The following DOCK1 variants were observed in gnomAD, a reference collection of about 807,000 sequenced individuals.
DOCK1 encodes dedicator of cytokinesis protein 1.
Under a neutral mutation model 262.7 loss-of-function variants are expected in DOCK1, and 138 were observed. That is an observed-to-expected ratio of 0.53 (90% CI 0.46 to 0.61). DOCK1 has a LOEUF of 0.61. Among genes scored for constraint, DOCK1 ranks in the 20% least tolerant of loss-of-function variants. The pLI, the probability that DOCK1 is intolerant of heterozygous loss-of-function variation, is 0.00. For missense variants in DOCK1, 1,908 were observed against 2,370.7 expected (o/e 0.80, Z 4.05); for synonymous variants, 866 against 867.4 (o/e 1.00, Z 0.03).
At chr10:127,422,854 T>C (rs2068597358) in intron 46 of DOCK1, among the ~76,000 whole-genome samples, 1 of 152,216 alleles carries the variant, frequency 6.6e-6, no homozygotes, top group East Asian at 1.9e-4. Context: ...AAAAGTTCTA[T>C]TGATTTTTTT....
chr10:127,365,518 T>A (rs1453962270), intron 33 of DOCK1, among the ~76,000 whole-genome samples: 1 of 152,214 alleles, frequency 6.6e-6, no homozygotes, highest in African/African-American at 2.4e-5. Flanking sequence ...AAGGACTTTG[T>A]GAAAAATTGC....
chr10:127,117,210 T>G (rs928725065), intron 25 of DOCK1, among the ~76,000 whole-genome samples: 6 of 152,214 alleles, frequency 3.9e-5, no homozygotes, highest in Non-Finnish European at 8.8e-5. Context: ...GCGAGTTTGC[T>G]TCCTTTGAGA....
At chr10:127,290,478 T>C (rs568939445) in intron 29 of DOCK1, among the ~76,000 whole-genome samples, 1 of 152,332 alleles carries the variant, frequency 6.6e-6, no homozygotes, top group Admixed American at 6.5e-5. Flanking sequence ...AAAGAGATCC[T>C]GTAGCGCCTT....
chr10:127,411,862 T>G (rs1239454484), intron 43 of DOCK1, among the ~76,000 whole-genome samples: 2 of 152,178 alleles, frequency 1.3e-5, no homozygotes, highest in Non-Finnish European at 2.9e-5. Flanking sequence ...TTCCAGACAT[T>G]GCAAAATAAA....
chr10:126,951,151 G>C (rs1021636861), intron 1 of DOCK1, among the ~76,000 whole-genome samples: 33 of 151,988 alleles, frequency 2.2e-4, no homozygotes, highest in Admixed American at 5.9e-4. Flanking sequence ...GGTTGTTGGT[G>C]GTAGTATTAC....
intron 1 of DOCK1, among the ~76,000 whole-genome samples, chr10:126,960,794 AC>A: frequency 2.9e-5 from 1 of 34,366 alleles, no homozygotes; most frequent in Non-Finnish European, 4.7e-5. Flanking sequence ...GTGTATATAC[AC>A]ACACACACAC....
intron 24 of DOCK1, among the ~76,000 whole-genome samples, chr10:127,109,091 G>T (rs566006501): frequency 9.2e-5 from 14 of 152,294 alleles, no homozygotes; most frequent in African/African-American, 2.2e-4. Context: ...GATAAAAAGA[G>T]AAATGGCATT....
intron 22 of DOCK1, among the ~76,000 whole-genome samples, chr10:127,054,100 A>G (rs59416143): frequency 0.19 from 29,064 of 152,224 alleles, 3,017 homozygotes; most frequent in East Asian, 0.27. Flanking sequence ...GGCCCACATC[A>G]GTGCCTTCCC....
intron 29 of DOCK1, among the ~76,000 whole-genome samples, chr10:127,265,383 T>C (rs76190160): frequency 6.6e-6 from 1 of 151,782 alleles, no homozygotes; most frequent in Non-Finnish European, 1.5e-5. Flanking sequence ...GTGTTACACA[T>C]TAAAAAAAAA....
chr10:127,242,216 T>C (rs2059289397), intron 27 of DOCK1, among the ~76,000 whole-genome samples: 1 of 152,234 alleles, frequency 6.6e-6, no homozygotes, highest in Non-Finnish European at 1.5e-5. Flanking sequence ...TGGGAATGCA[T>C]GTTTTAAATA....
In DOCK1 at chr10:127,355,236, T is replaced by C. The variant is rs182560818; in HGVS notation, c.3283+509T>C. On this transcript the variant is annotated intron_variant, in intron 32 of 51. Coordinates refer to ENST00000623213, the MANE Select transcript of DOCK1 (RefSeq NM_001290223.2). ...AAATTAATAGGAGTTTATTTGTAAA[T>C]TAAGTAATTTTTTCCAACTACTTTT... Among the ~76,000 whole-genome samples the C allele has an allele frequency of 3.3e-4, 50 of 152,356 alleles. 1 individual carries two copies. Among genetic ancestry groups the C allele is most frequent in the Admixed American group, 2.6e-3 (40 of 15,294 alleles).
At chr10:126,939,092 G>A (rs1057298069) in intron 1 of DOCK1, among the ~76,000 whole-genome samples, 5 of 151,128 alleles carry the variant, frequency 3.3e-5, no homozygotes, top group Non-Finnish European at 4.4e-5. Context: ...GACGAGCACC[G>A]GAGGGGATGA....
intron 25 of DOCK1, among the ~76,000 whole-genome samples, chr10:127,119,425 C>T (rs1415932043): frequency 6.6e-6 from 1 of 152,172 alleles, no homozygotes; most frequent in African/African-American, 2.4e-5. Flanking sequence ...GCTCCCAGCT[C>T]CCACATCTGT....
At chr10:127,429,207 C>T (rs149116963) in intron 47 of DOCK1, among the ~76,000 whole-genome samples, 97 of 152,196 alleles carry the variant, frequency 6.4e-4, no homozygotes, top group African/African-American at 8.7e-4. Flanking sequence ...TGGGTCACCC[C>T]GTCTAGGGGG....
intron 51 of DOCK1, among the ~76,000 whole-genome samples, chr10:127,450,471 C>T (rs2070883084): frequency 6.6e-6 from 1 of 152,172 alleles, no homozygotes; most frequent in South Asian, 2.1e-4. Context: ...TGTTTACTTA[C>T]CTGTTCATTT....
At chr10:127,087,964 C>A (rs2047294665) in intron 23 of DOCK1, among the ~76,000 whole-genome samples, 2 of 152,164 alleles carry the variant, frequency 1.3e-5, no homozygotes, top group African/African-American at 4.8e-5. Context: ...AATTCATTTT[C>A]CAATAAATGT....
intron 10 of DOCK1, among the ~76,000 whole-genome samples, 196 bp from the exon 11 acceptor site, chr10:127,008,536 G>A (rs2041197653): frequency 1.3e-5 from 2 of 151,950 alleles, no homozygotes; most frequent in South Asian, 2.1e-4. Flanking sequence ...TGCCATTTGA[G>A]CCCCAATTCC....
intron 23 of DOCK1, among the ~76,000 whole-genome samples, chr10:127,092,422 A>G (rs964033891): frequency 1.3e-5 from 2 of 152,130 alleles, no homozygotes; most frequent in East Asian, 3.9e-4. Context: ...AGGGCAGGAG[A>G]GTGAGGGTTG....
intron 43 of DOCK1, among the ~76,000 whole-genome samples, chr10:127,413,475 T>C (rs7079407): frequency 0.26 from 39,835 of 152,178 alleles, 5,562 homozygotes; most frequent in African/African-American, 0.35. Context: ...GCGGGGAGCC[T>C]GGCTCCAAGT....
Sources: allele counts gnomAD v4.1 joint callset (sites outside exome capture counted in the v4.1 genomes callset), GRCh38; gene constraint gnomAD v4.1.1; transcripts MANE v1.5; gene names NCBI Gene and HGNC (gene_info 2026-07-23, HGNC 2026-07-21).